Variants in SAMD7 observed in about 807,000 individuals in gnomAD.
SAMD7 encodes the protein sterile alpha motif domain-containing protein 7.
Under a neutral mutation model 36.7 loss-of-function variants are expected in SAMD7, and 34 were observed. The observed-to-expected ratio is 0.93, with a 90% CI of 0.71 to 1.23. The LOEUF is 1.23. Among genes scored for constraint, SAMD7 ranks in the 50% most tolerant of loss-of-function variants. The pLI is 0.00. For synonymous variants in SAMD7, 188 were observed against 189.7 expected (o/e 0.99, Z 0.07); for missense variants, 570 against 546.6 (o/e 1.04, Z -0.43).
rs188896267 is a variant in SAMD7, at chr3:169,932,619, G to A, written c.1042-3720G>A. On this transcript the variant is annotated intron_variant, in intron 7 of 8. Coordinates refer to ENST00000335556, the MANE Select transcript of SAMD7 (RefSeq NM_001304366.2). ...TTTTATGGGAAGTGTTATTACTACC[G>A]AGAAACAGAATCAGCTTGTGCCGAT... is the stretch of plus-strand genomic sequence containing the variant. 543 of 528,894 alleles carry A rather than the reference G, an allele frequency of 1.0e-3. 4 individuals are homozygous for A. Among genetic ancestry groups the A allele is most frequent in the Non-Finnish European group, 8.5e-4 (228 of 267,156 alleles). The allele number at this position is 528,894 out of a possible 1,614,324, so 32.8% of individuals were successfully genotyped here.
Position 169,911,726 on chromosome 3 carries a change from C to T in SAMD7, c.-212C>T, listed in dbSNP as rs1397607814. ...AAGAATTGTCAGATGTACCTTTCAA[C>T]CCGCAGCCAGAGAAGCTTCTGCAGT... On this transcript the variant is annotated 5_prime_UTR_variant, in exon 1 of 9. Coordinates refer to ENST00000335556, the MANE Select transcript of SAMD7 (RefSeq NM_001304366.2). The T allele has an allele frequency of 2.0e-5, 3 of 152,202 alleles. No homozygotes were observed. Among genetic ancestry groups the T allele is most frequent in the Non-Finnish European group, 4.4e-5 (3 of 68,034 alleles). 9.4% of individuals were successfully genotyped at this position (152,202 alleles called of 1,614,324 possible). A position where few individuals can be genotyped will look rare whatever the true frequency, so the allele number is the denominator to read the frequency against.
intron 7 of SAMD7, among the ~76,000 whole-genome samples, chr3:169,933,586 C>T (rs773273098): frequency 5.9e-5 from 9 of 152,196 alleles, no homozygotes; most frequent in Non-Finnish European, 8.8e-5. Flanking sequence ...TTGAGTGGAA[C>T]ATTTCAGTCC....
intron 1 of SAMD7, among the ~76,000 whole-genome samples, chr3:169,914,283 A>G (rs1393169770): frequency 1.3e-5 from 2 of 152,196 alleles, no homozygotes; most frequent in East Asian, 3.8e-4. Flanking sequence ...TAAAAGTTAA[A>G]ACTATGTAAT....
intron 6 of SAMD7, 69 bp downstream of exon 6, chr3:169,927,250 A>G: frequency 1.8e-6 from 2 of 1,114,574 alleles, no homozygotes; most frequent in Non-Finnish European, 2.5e-6. Context: ...GTTACTACAT[A>G]ATAAACTGTA....
At position 169,938,689 on chromosome 3, in the gene SAMD7, C is replaced by A. The variant is rs903645401; in HGVS notation, c.*183C>A. The A allele has an allele frequency of 6.5e-6, 3 of 463,310 alleles. No homozygotes were observed. The highest frequency in any genetic ancestry group is 1.1e-5 in the Non-Finnish European group (3 of 264,842). The allele number at this position is 463,310 out of a possible 1,614,324, so 28.7% of individuals were successfully genotyped here. A position where few individuals can be genotyped will look rare whatever the true frequency, so the allele number is the denominator to read the frequency against. On this transcript the variant is annotated 3_prime_UTR_variant, in exon 9 of 9. Transcript: ENST00000335556. ...CTGCCAGGGCTGAATGACCCCAGCA[C>A]CAAATGACTGGAGACGCATCCTTAG...
intron 5 of SAMD7, chr3:169,926,077 C>CA: frequency 2.7e-6 from 1 of 376,430 alleles, no homozygotes; most frequent in South Asian, 2.1e-5. Context: ...AATTGAGGAC[C>CA]AAAAAGCAAA....
Position 169,919,578 on chromosome 3 carries a change from T to C in SAMD7, c.80T>C (p.Val27Ala). The C allele has an allele frequency of 6.8e-6, 11 of 1,608,356 alleles. No individual in the cohort carries two copies. Among genetic ancestry groups the C allele is most frequent in the Non-Finnish European group, 9.4e-6 (11 of 1,174,750 alleles). ...LIPSPFGPPTVDRDVLPSTVA... is the reference protein window; with the variant it reads ...LIPSPFGPPTADRDVLPSTVA... Reference sequence around the variant, plus strand: ...CCCTCACCATTTGGGCCTCCAACTGTGGACAGGTATTTCTCTTCAATATAA... The same window carrying C: ...CCCTCACCATTTGGGCCTCCAACTGCGGACAGGTATTTCTCTTCAATATAA... Residue 27 changes from valine (V) to alanine (A), a missense_variant, in exon 3 of 9, where the codon GTG becomes GCG. Coordinates refer to ENST00000335556, the MANE Select transcript of SAMD7 (RefSeq NM_001304366.2).
At chr3:169,920,310 C>G (rs1712992078) in intron 3 of SAMD7, among the ~76,000 whole-genome samples, 1 of 152,236 alleles carries the variant, frequency 6.6e-6, no homozygotes, top group Admixed American at 6.5e-5. Flanking sequence ...GGTGAGGTCT[C>G]TCTTTCTGGC....
rs142458716 is a variant in SAMD7, at chr3:169,919,983, A to T, written c.86+399A>T. Among the ~76,000 whole-genome samples the T allele has an allele frequency of 2.9e-3, 441 of 152,232 alleles. 7 individuals carry two copies. The highest frequency in any genetic ancestry group is 0.01 in the African/African-American group (432 of 41,544). On this transcript the variant is annotated intron_variant, in intron 3 of 8. Coordinates refer to ENST00000335556, the MANE Select transcript of SAMD7 (RefSeq NM_001304366.2). ...ATGTCAGGAGTTTGAGACCAGCCTG[A>T]CCAAAATGGAGAAACCCCATCTCTA...
chr3:169,924,944 G>A (rs73178422), intron 4 of SAMD7, 114 bp from the exon 5 acceptor site: 1 of 694,242 alleles, frequency 1.4e-6, no homozygotes, highest in Non-Finnish European at 2.4e-6. Context: ...CGCAATTGCT[G>A]GTTTGTTTTT....
chr3:169,927,431 A>C (rs1445030636), intron 6 of SAMD7, among the ~76,000 whole-genome samples: 2 of 150,996 alleles, frequency 1.3e-5, no homozygotes, highest in African/African-American at 4.9e-5. Flanking sequence ...AGTAGCTGGG[A>C]CTACAGGAGC....
intron 7 of SAMD7, among the ~76,000 whole-genome samples, chr3:169,930,202 C>T (rs1415582092): frequency 6.6e-6 from 1 of 152,224 alleles, no homozygotes; most frequent in African/African-American, 2.4e-5. Flanking sequence ...GTCACATAAA[C>T]ATGAGTACTC....
In SAMD7 at chr3:169,926,696, T is replaced by C. The variant is rs1397682862; in HGVS notation, c.434T>C (p.Leu145Pro). 1.2e-6 allele frequency: 2 copies of C among 1,613,836 alleles called. No individual in the cohort carries two copies. The highest frequency in any genetic ancestry group is 1.7e-6 in the Non-Finnish European group (2 of 1,179,992). The change falls in exon 6 of 9, where the codon CTC becomes CCC. Residue 145 changes from leucine (L) to proline (P), a missense_variant. By Grantham distance (98) the Leu-to-Pro change is moderately conservative. Coordinates refer to ENST00000335556, the MANE Select transcript of SAMD7 (RefSeq NM_001304366.2). ...APAAYHGRSMLPAGDLHFHRS... is the reference protein window; with the variant it reads ...APAAYHGRSMPPAGDLHFHRS... The stretch of plus-strand genomic sequence containing the variant: ...GCTGCCTACCATGGCAGGAGCATGC[T>C]CCCTGCCGGTGACCTGCATTTTCAC...
At chr3:169,918,465 A>G (rs1046430048) in intron 2 of SAMD7, among the ~76,000 whole-genome samples, 3 of 152,230 alleles carry the variant, frequency 2.0e-5, no homozygotes, top group African/African-American at 7.2e-5. Flanking sequence ...ATGAAGAAGA[A>G]GCTAAAATGA....
Position 169,919,582 on chromosome 3 carries a change from C to T in SAMD7, c.84C>T (p.Asp28=), listed in dbSNP as rs1169496566. 3 of 1,604,736 alleles carry T rather than the reference C, an allele frequency of 1.9e-6. No homozygotes were observed. The highest frequency in any genetic ancestry group is 2.2e-5 in the East Asian group (1 of 44,858). The change falls in exon 3 of 9, where the codon GAC becomes GAT. Residue 28 remains aspartate, a splice_region_variant and synonymous_variant. Transcript: ENST00000335556. ...CACCATTTGGGCCTCCAACTGTGGA[C>T]AGGTATTTCTCTTCAATATAATAGT... is the stretch of plus-strand genomic sequence containing the variant. ...IPSPFGPPTV[D]RDVLPSTVAP...
At chr3:169,936,676 A>G (rs1713730809) in intron 8 of SAMD7, among the ~76,000 whole-genome samples, 1 of 152,204 alleles carries the variant, frequency 6.6e-6, no homozygotes, top group African/African-American at 2.4e-5. Flanking sequence ...ATGCACTGGT[A>G]AATGTTTAAC....
rs9682906 is a variant in SAMD7, at chr3:169,928,089, C to T, written c.920-368C>T. On this transcript the variant is annotated intron_variant, in intron 6 of 8. Coordinates refer to ENST00000335556, the MANE Select transcript of SAMD7 (RefSeq NM_001304366.2). Reference sequence around the variant, plus strand: ...TGTTTCCCTACAAAGTGTTAATTTGCCATTCTGATGAAAATGTAGCTAAAT... The same window carrying T: ...TGTTTCCCTACAAAGTGTTAATTTGTCATTCTGATGAAAATGTAGCTAAAT... Among the ~76,000 whole-genome samples the T allele has an allele frequency of 8.4e-3, 1,284 of 152,264 alleles. 19 individuals carry two copies. Among genetic ancestry groups the T allele is most frequent in the African/African-American group, 0.03 (1,228 of 41,556 alleles).
At chr3:169,932,713 C>A (rs1374321439) in intron 7 of SAMD7, 1 of 550,878 alleles carries the variant, frequency 1.8e-6, no homozygotes, top group South Asian at 1.4e-5. Context: ...AACACTGACA[C>A]CCGTGGGCCA....
intron 7 of SAMD7, among the ~76,000 whole-genome samples, chr3:169,934,722 T>C (rs1311581742): frequency 6.6e-6 from 1 of 152,030 alleles, no homozygotes; most frequent in Non-Finnish European, 1.5e-5. Context: ...AGCTTCTGAG[T>C]TAAAGATACA....
Sources: allele counts gnomAD v4.1 joint callset (sites outside exome capture counted in the v4.1 genomes callset), GRCh38; gene constraint gnomAD v4.1.1; transcripts MANE v1.5; gene names NCBI Gene and HGNC (gene_info 2026-07-23, HGNC 2026-07-21).